The following UGT1A10 variants were observed in gnomAD, a reference collection of about 807,000 sequenced individuals.
UGT1A10 encodes the protein UDP-glucuronosyltransferase 1A10.
A neutral mutation model predicts 45.8 loss-of-function variants in UGT1A10; 49 were observed. The observed-to-expected ratio is 1.07, with a 90% CI of 0.85 to 1.36. The LOEUF (loss-of-function observed/expected upper bound fraction) is 1.36. UGT1A10 is among the 40% of genes most tolerant of loss of function. The pLI, the probability that UGT1A10 is intolerant of heterozygous loss-of-function variation, is 0.00. For missense variants in UGT1A10, 745 were observed against 668.6 expected, an observed-to-expected ratio of 1.11 and a Z score of -1.26; for synonymous variants, 284 against 249.7, an observed-to-expected ratio of 1.14 and a Z score of -1.29.
intron 1 of UGT1A10, among the ~76,000 whole-genome samples, chr2:233,765,603 T>TG (rs1226627495): frequency 6.6e-6 from 1 of 151,130 alleles, no homozygotes; most frequent in African/African-American, 2.4e-5. Context: ...CCAGGGCTTG[T>TG]GGCGGGGTGA....
intron 1 of UGT1A10, among the ~76,000 whole-genome samples, chr2:233,765,312 TTTA>T (rs1273770554): frequency 2.0e-5 from 3 of 152,204 alleles, no homozygotes; most frequent in African/African-American, 7.2e-5. Flanking sequence ...CACATATTTG[TTTA>T]TTGCAGCACT....
At chr2:233,683,142 ATTG>A (rs1439022715) in intron 1 of UGT1A10, among the ~76,000 whole-genome samples, 5 of 152,112 alleles carry the variant, frequency 3.3e-5, no homozygotes, top group African/African-American at 1.2e-4. Context: ...TTTTGTGTGA[ATTG>A]TTTTCAATTT....
At chr2:233,653,186 T>C (rs1169301908) in intron 1 of UGT1A10, among the ~76,000 whole-genome samples, 1 of 152,170 alleles carries the variant, frequency 6.6e-6, no homozygotes, top group African/African-American at 2.4e-5. Flanking sequence ...AAAAATAACT[T>C]TAAAAATTAT....
intron 1 of UGT1A10, among the ~76,000 whole-genome samples, chr2:233,675,693 C>T (rs1473453849): frequency 6.6e-6 from 1 of 152,174 alleles, no homozygotes; most frequent in Non-Finnish European, 1.5e-5. Context: ...ACCCACTTAT[C>T]CATTCTTAGG....
intron 1 of UGT1A10, chr2:233,647,965 G>A (rs186428204): frequency 1.8e-5 from 29 of 1,607,774 alleles, no homozygotes; most frequent in Middle Eastern, 3.8e-4. Context: ...CATGTGGTCG[G>A]TGGTGGAGAA....
chr2:233,760,501 G>T, intron 1 of UGT1A10: 2 of 1,614,238 alleles, frequency 1.2e-6, no homozygotes, highest in East Asian at 2.2e-5. Context: ...CAGAGACGGA[G>T]CATTTTACAC....
chr2:233,647,991 G>T, intron 1 of UGT1A10: 1 of 1,607,718 alleles, frequency 6.2e-7, no homozygotes, highest in Non-Finnish European at 8.5e-7. Flanking sequence ...TTCTCAGGGG[G>T]CATGAGGTGG....
chr2:233,661,623 T>TTTTCTTTCTTTCTTTCTTTCTTTC (rs55749169), intron 1 of UGT1A10, among the ~76,000 whole-genome samples: 1,341 of 124,010 alleles, frequency 0.011, 41 homozygotes, highest in African/African-American at 0.018. Context: ...ACTTACTGAA[T>TTTTCTTTCTTTCTTTCTTTCTTTC]TTTCTTTCTT....
At chr2:233,765,991 C>G (rs939830697) in intron 1 of UGT1A10, among the ~76,000 whole-genome samples, 2 of 152,166 alleles carry the variant, frequency 1.3e-5, no homozygotes, top group Middle Eastern at 3.4e-3. Flanking sequence ...TCCTGAAGCT[C>G]CAGTGGGCGT....
chr2:233,655,638 C>T (rs1295171617), intron 1 of UGT1A10, among the ~76,000 whole-genome samples: 1 of 152,096 alleles, frequency 6.6e-6, no homozygotes, highest in Non-Finnish European at 1.5e-5. Context: ...ACAGACTCTT[C>T]TCTTGTAGGG....
At chr2:233,682,302 C>T (rs772862316) in intron 1 of UGT1A10, 2 of 1,614,078 alleles carry the variant, frequency 1.2e-6, no homozygotes, top group Non-Finnish European at 8.5e-7. Context: ...TTATTTTTTT[C>T]AAATTGCAGG....
intron 1 of UGT1A10, among the ~76,000 whole-genome samples, chr2:233,642,380 CTT>C (rs1209296267): frequency 6.6e-6 from 1 of 152,140 alleles, no homozygotes. Flanking sequence ...ATTTCAATCT[CTT>C]TGTTAAATTT....
chr2:233,707,574 G>C (rs897653456), intron 1 of UGT1A10, among the ~76,000 whole-genome samples: 6 of 150,032 alleles, frequency 4.0e-5, no homozygotes, highest in African/African-American at 4.9e-5. Flanking sequence ...ATGTTTGAGA[G>C]ATTCATGATG....
rs752420110 is a variant in UGT1A10, at chr2:233,767,943, T to C, written c.1075+7T>C. The C allele has an allele frequency of 3.2e-5, 51 of 1,614,076 alleles. No homozygotes were observed. The highest frequency in any genetic ancestry group is 1.6e-4 in the East Asian group (7 of 44,900). On this transcript the variant is annotated splice_region_variant and intron_variant, in intron 3 of 4. Transcript: ENST00000344644. ...CCCCAAAACGATCTGCTTGGTATGT[T>C]GGGCGGATTGGATGTATAGGTCAAA...
chr2:233,705,947 G>A (rs1241175143), intron 1 of UGT1A10, among the ~76,000 whole-genome samples: 1 of 152,128 alleles, frequency 6.6e-6, no homozygotes, highest in Non-Finnish European at 1.5e-5. Context: ...AAATTAGCTG[G>A]GTGTGGAGGT....
chr2:233,760,740 C>T (rs2125987447), intron 1 of UGT1A10: 1 of 1,614,120 alleles, frequency 6.2e-7, no homozygotes, highest in Non-Finnish European at 8.5e-7. Context: ...TGCTGACGGA[C>T]CCTTTCCTTC....
At chr2:233,765,047 G>T (rs1698737192) in intron 1 of UGT1A10, among the ~76,000 whole-genome samples, 1 of 151,990 alleles carries the variant, frequency 6.6e-6, no homozygotes, top group Non-Finnish European at 1.5e-5. Context: ...AATTGCGTTT[G>T]CTGAGCCCTG....
In UGT1A10 at chr2:233,755,401, T is replaced by C. The variant is rs995268070; in HGVS notation, c.856-11633T>C. 43 of 336,532 alleles carry C rather than the reference T, an allele frequency of 1.3e-4. 1 individual carries two copies. The Admixed American group carries it at 1.6e-3, about 13-fold the overall frequency. The allele number at this position is 336,532 out of a possible 1,614,324, so 20.8% of individuals were successfully genotyped here. A position where few individuals can be genotyped will look rare whatever the true frequency, so the allele number is the denominator to read the frequency against. On this transcript the variant is annotated intron_variant, in intron 1 of 4. Transcript: ENST00000344644. ...CCCCTTATGACGCAGCCACATCTCA[T>C]TGGCCGAGGCCTGTGAGCGCCTCGC...
At chr2:233,701,458 A>G (rs1167307103) in intron 1 of UGT1A10, among the ~76,000 whole-genome samples, 7 of 152,132 alleles carry the variant, frequency 4.6e-5, no homozygotes, top group Admixed American at 1.3e-4. Flanking sequence ...TAACAAGGAT[A>G]CCCAGGAATT....
Sources: allele counts gnomAD v4.1 joint callset (sites outside exome capture counted in the v4.1 genomes callset), GRCh38; gene constraint gnomAD v4.1.1; transcripts MANE v1.5; gene names NCBI Gene and HGNC (gene_info 2026-07-23, HGNC 2026-07-21).